Variants in NFIB observed in about 807,000 individuals in gnomAD.
The protein encoded by NFIB is nuclear factor 1 B-type.
A neutral mutation model predicts 61.5 loss-of-function variants in NFIB; 11 were observed. The observed-to-expected ratio is 0.18, with a 90% CI of 0.11 to 0.30. The LOEUF (loss-of-function observed/expected upper bound fraction) is 0.30. Among genes scored for constraint, NFIB ranks in the 10% least tolerant of loss-of-function variants. The pLI, the probability that NFIB is intolerant of heterozygous loss-of-function variation, is 1.00. For synonymous variants in NFIB, 260 were observed against 216.5 expected (o/e 1.20, Z -1.76); for missense variants, 471 against 608.9 (o/e 0.77, Z 2.38).
the NFIB span, among the ~76,000 whole-genome samples, chr9:14,437,848 G>A: frequency 6.6e-6 from 1 of 152,234 alleles, no homozygotes; most frequent in South Asian, 2.1e-4. Flanking sequence ...TCACTGGGCT[G>A]GAGGCCAAGA....
chr9:14,434,022 A>G, the NFIB span, among the ~76,000 whole-genome samples: 3 of 152,200 alleles, frequency 2.0e-5, no homozygotes, highest in African/African-American at 7.2e-5. Flanking sequence ...AAGCTACTGA[A>G]GAGCTGAGCA....
rs1335866356 is a variant in NFIB, at chr9:14,087,978, G to A, written c.*331C>T. 3.7e-5 allele frequency: 11 copies of A among 298,938 alleles called. No individual in the cohort carries two copies. The highest frequency in any genetic ancestry group is 5.5e-5 in the Non-Finnish European group (9 of 163,846). The allele number at this position is 298,938 out of a possible 1,614,324, so 18.5% of individuals were successfully genotyped here. On this transcript the variant is annotated 3_prime_UTR_variant, in exon 11 of 11. Transcript: ENST00000380953. The stretch of plus-strand genomic sequence containing the variant: ...ACAAAGGCTACGTTGCAGGGGCTGC[G>A]ATCTACCATCAGTGAAATATCATCG...
intron 2 of NFIB, among the ~76,000 whole-genome samples, chr9:14,270,576 T>A (rs2057519132): frequency 7.9e-5 from 1 of 12,594 alleles, no homozygotes. Flanking sequence ...AAGCCTTAGA[T>A]CACAAAAAAA....
At chr9:14,276,192 T>C (rs2057985164) in intron 2 of NFIB, among the ~76,000 whole-genome samples, 1 of 152,140 alleles carries the variant, frequency 6.6e-6, no homozygotes, top group East Asian at 1.9e-4. Flanking sequence ...ACATTTAAAA[T>C]GCAGTGGAAA....
At chr9:14,114,201 T>C (rs1310082343) in intron 9 of NFIB, among the ~76,000 whole-genome samples, 2 of 152,120 alleles carry the variant, frequency 1.3e-5, no homozygotes, top group Non-Finnish European at 2.9e-5. Flanking sequence ...TTAAAAACAG[T>C]GAAGATGCTC....
chr9:14,461,525 T>C, the NFIB span, among the ~76,000 whole-genome samples: 50 of 152,298 alleles, frequency 3.3e-4, no homozygotes, highest in South Asian at 9.3e-3. Context: ...GTGGAACTAC[T>C]TGCAAAAATG....
At chr9:14,507,817 T>A in the NFIB span, among the ~76,000 whole-genome samples, 2 of 152,060 alleles carry the variant, frequency 1.3e-5, no homozygotes, top group Non-Finnish European at 2.9e-5. Flanking sequence ...CTAATAGACA[T>A]GATTTTCCTG....
At chr9:14,139,223 C>T (rs900624676) in intron 6 of NFIB, among the ~76,000 whole-genome samples, 4 of 152,268 alleles carry the variant, frequency 2.6e-5, no homozygotes, top group East Asian at 3.9e-4. Context: ...CTCTCTGATC[C>T]TTGGACTACT....
Position 14,215,903 on chromosome 9 carries a change from T to C in NFIB, c.563-36123A>G, listed in dbSNP as rs527836822. 2.0e-4 allele frequency among the ~76,000 whole-genome samples: 31 copies of C among 152,264 alleles called. 1 individual carries two copies. The South Asian group carries it at 6.0e-3, about 30-fold the overall frequency. ...CTTGTAAAAGGCAAATAGCAATCTC[T>C]CCCAAGCAGCACTGTACTGAGAATT... On this transcript the variant is annotated intron_variant, in intron 2 of 10. Coordinates refer to ENST00000380953, the MANE Select transcript of NFIB (RefSeq NM_001190737.2).
chr9:14,304,288 T>C (rs1364089546), intron 2 of NFIB, among the ~76,000 whole-genome samples: 1 of 152,194 alleles, frequency 6.6e-6, no homozygotes, highest in Non-Finnish European at 1.5e-5. Context: ...AAGAAAAGCA[T>C]AGGAAGTTGG....
At chr9:14,119,078 A>G (rs767656185) in intron 8 of NFIB, among the ~76,000 whole-genome samples, 14 of 152,120 alleles carry the variant, frequency 9.2e-5, no homozygotes, top group Non-Finnish European at 1.8e-4. Context: ...CTTTTAATGG[A>G]TGTCTTAATT....
chr9:14,165,118 T>A (rs1433760462), intron 3 of NFIB, among the ~76,000 whole-genome samples: 1 of 152,150 alleles, frequency 6.6e-6, no homozygotes, highest in East Asian at 1.9e-4. Context: ...ACTAGAAATG[T>A]GAGTAAGAAC....
intron 2 of NFIB, among the ~76,000 whole-genome samples, chr9:14,225,006 G>T (rs969077253): frequency 3.9e-5 from 6 of 152,012 alleles, no homozygotes; most frequent in Admixed American, 3.9e-4. Flanking sequence ...CTCAACTTTT[G>T]CATTAAATCT....
the NFIB span, among the ~76,000 whole-genome samples, chr9:14,459,446 C>T: frequency 6.6e-6 from 1 of 152,190 alleles, no homozygotes; most frequent in African/African-American, 2.4e-5. Context: ...CCATTCAGGA[C>T]ATAGGCATGG....
At chr9:14,319,612 CTTCTAT>C (rs2060618461) in intron 1 of NFIB, among the ~76,000 whole-genome samples, 1 of 152,126 alleles carries the variant, frequency 6.6e-6, no homozygotes, top group African/African-American at 2.4e-5. Flanking sequence ...GGTAAACTGG[CTTCTAT>C]TACCCATATA....
intron 10 of NFIB, chr9:14,096,786 G>A (rs886094273): frequency 6.6e-6 from 1 of 152,096 alleles, no homozygotes; most frequent in South Asian, 2.1e-4. Context: ...TCTCAAGTAC[G>A]CTTCAAGTAT....
At chr9:14,455,969 G>C in the NFIB span, among the ~76,000 whole-genome samples, 1 of 152,134 alleles carries the variant, frequency 6.6e-6, no homozygotes, top group Admixed American at 6.5e-5. Flanking sequence ...AGTGTCAAGA[G>C]GTATCATTAA....
chr9:14,272,642 C>T (rs1328923431), intron 2 of NFIB, among the ~76,000 whole-genome samples: 1 of 142,820 alleles, frequency 7.0e-6, no homozygotes, highest in Non-Finnish European at 1.5e-5. Context: ...ACTTTATCTT[C>T]TACCTCCAGG....
At chr9:14,199,436 G>A (rs1344911276) in intron 2 of NFIB, among the ~76,000 whole-genome samples, 6 of 152,226 alleles carry the variant, frequency 3.9e-5, no homozygotes, top group Non-Finnish European at 8.8e-5. Flanking sequence ...GCCTGATAAA[G>A]TTAAATGGCC....
Sources: gnomAD v4.1 joint callset for allele counts (sites outside exome capture counted in the v4.1 genomes callset) on GRCh38, gnomAD v4.1.1 for gene constraint, MANE v1.5 for transcripts, NCBI Gene and HGNC (gene_info 2026-07-23, HGNC 2026-07-21) for gene names.